Variants in HSPA12A observed in about 807,000 individuals in gnomAD.
HSPA12A encodes the protein heat shock protein family A (Hsp70) member 12A.
A neutral mutation model predicts 69.2 loss-of-function variants in HSPA12A; 28 were observed. The ratio of observed to expected loss-of-function variants is 0.40; its 90% CI spans 0.30 to 0.55. The LOEUF (loss-of-function observed/expected upper bound fraction) is 0.55. Among genes scored for constraint, HSPA12A ranks in the 20% least tolerant of loss-of-function variants. HSPA12A has a pLI of 0.38. For missense variants in HSPA12A, 686 were observed against 900.7 expected (o/e 0.76, Z 3.05); for synonymous variants, 345 against 370.5 (o/e 0.93, Z 0.79).
Position 116,675,384 on chromosome 10 carries a change from G to C in HSPA12A, c.1425C>G (p.Val475=), listed in dbSNP as rs1465392841. The change falls in exon 12 of 12, where the codon GTC becomes GTG. Residue 475 remains valine, a synonymous_variant. Coordinates refer to ENST00000369209, the MANE Select transcript of HSPA12A (RefSeq NM_025015.3). This position sits in a 1 kb window ranked among gnomAD's most constrained non-coding sequence, Gnocchi z 5.2. ...AGCCGCCCACCAGAAAGAGGAACTT[G>C]ACGGTGGACACCTCGGGCTTCTGAA... is the stretch of plus-strand genomic sequence containing the variant. ...DLFQKPEVST[V]KFLFLVGGFA... The C allele has an allele frequency of 4.4e-6, 7 of 1,607,406 alleles. No individual in the cohort carries two copies. Among genetic ancestry groups the C allele is most frequent in the Non-Finnish European group, 5.1e-6 (6 of 1,177,450 alleles).
At chr10:116,794,839 T>G (rs1358884762) in intron 2 of HSPA12A, among the ~76,000 whole-genome samples, 1 of 152,170 alleles carries the variant, frequency 6.6e-6, no homozygotes, top group African/African-American at 2.4e-5. Context: ...AGATAATAGT[T>G]TTTTTAAGTT....
intron 6 of HSPA12A, among the ~76,000 whole-genome samples, chr10:116,684,289 C>T (rs984868964): frequency 1.3e-5 from 2 of 152,060 alleles, no homozygotes; most frequent in Admixed American, 6.6e-5. Context: ...GGGGGGATTC[C>T]GGACTGCAGG....
intron 2 of HSPA12A, among the ~76,000 whole-genome samples, chr10:116,822,549 T>A (rs944812482): frequency 2.8e-4 from 43 of 152,194 alleles, no homozygotes; most frequent in African/African-American, 1.0e-3. Context: ...CAGTAGGGCA[T>A]TTGATAAGTT....
chr10:116,735,068 A>G (rs1554886329), intron 1 of HSPA12A, among the ~76,000 whole-genome samples: 1 of 152,252 alleles, frequency 6.6e-6, no homozygotes, highest in Non-Finnish European at 1.5e-5. Context: ...GAATGTGCCA[A>G]CACAACTTTT....
intron 2 of HSPA12A, chr10:116,832,602 T>C (rs1372946585): frequency 6.6e-6 from 1 of 152,262 alleles, no homozygotes; most frequent in Non-Finnish European, 1.5e-5. Flanking sequence ...GTCAATTCTA[T>C]TAATTCTCCT....
At chr10:116,682,855 C>G (rs1332572850) in intron 7 of HSPA12A, among the ~76,000 whole-genome samples, 1 of 147,042 alleles carries the variant, frequency 6.8e-6, no homozygotes, top group African/African-American at 2.5e-5. Flanking sequence ...CACCCGCCAC[C>G]TCGCCCGGCT....
intron 1 of HSPA12A, among the ~76,000 whole-genome samples, chr10:116,843,175 T>C (rs533390702): frequency 3.5e-4 from 53 of 152,304 alleles, no homozygotes; most frequent in Non-Finnish European, 6.9e-4. Flanking sequence ...GCTTTCTATT[T>C]ATGTGGGAAG....
upstream of HSPA12A, among the ~76,000 whole-genome samples, chr10:116,744,243 C>G (rs11197810): frequency 6.4e-3 from 974 of 152,290 alleles, 12 homozygotes; most frequent in African/African-American, 0.023. Context: ...CCTGGATCAC[C>G]CGTCCTCTCA....
At chr10:116,769,798 T>C (rs1371969620) in intron 2 of HSPA12A, among the ~76,000 whole-genome samples, 1 of 152,236 alleles carries the variant, frequency 6.6e-6, no homozygotes, top group East Asian at 1.9e-4. Context: ...AAAACCCTTC[T>C]GAAGCCCCTT....
At position 116,674,682 on chromosome 10, in the gene HSPA12A, GC is replaced by G. The variant is rs1849172316; in HGVS notation, c.*98del. ...ATCTTCCCTGCTGAAATTCACATGGGCAATGGTGAGGGTCAAGGTTAGGGAA... is the reference window on the plus strand; with the variant it reads ...ATCTTCCCTGCTGAAATTCACATGGGAATGGTGAGGGTCAAGGTTAGGGAA... On this transcript the variant is annotated 3_prime_UTR_variant, in exon 12 of 12. Coordinates refer to ENST00000369209, the MANE Select transcript of HSPA12A (RefSeq NM_025015.3). The G allele has an allele frequency of 3.1e-5, 38 of 1,210,164 alleles. No individual in the cohort carries two copies. In the South Asian group the frequency reaches 5.0e-4, roughly 16 times the overall value. The allele number at this position is 1,210,164 out of a possible 1,614,324, so 75.0% of individuals were successfully genotyped here.
At position 116,742,512 on chromosome 10, in the gene HSPA12A, GC is replaced by G. The variant is rs1201967181; in HGVS notation, c.-44del. ...CCGCGAGGGGAGCCTCCAGCGCAGC[GC>G]CCGTGCCCGTGCGGGTCTCTGTCCG... On this transcript the variant is annotated 5_prime_UTR_variant, in exon 1 of 12. Coordinates refer to ENST00000369209, the MANE Select transcript of HSPA12A (RefSeq NM_025015.3). 4 of 1,232,832 alleles carry G rather than the reference GC, an allele frequency of 3.2e-6. No homozygotes were observed. In the East Asian group the frequency reaches 1.4e-4, roughly 44 times the overall value. 76.4% of individuals were successfully genotyped at this position (1,232,832 alleles called of 1,614,324 possible).
chr10:116,831,531 C>T (rs1488398067), intron 2 of HSPA12A: 1 of 152,132 alleles, frequency 6.6e-6, no homozygotes, highest in Non-Finnish European at 1.5e-5. Flanking sequence ...ACCAAAAAGC[C>T]CTTAACAATG....
At chr10:116,849,607 G>A in exon 1 of HSPA12A, 1 of 1,549,910 alleles carries the variant, frequency 6.5e-7, no homozygotes, top group Non-Finnish European at 8.7e-7. Flanking sequence ...GGGACCACTA[G>A]GGAGCTGCAG....
chr10:116,714,014 A>AGATG (rs1200858480), intron 1 of HSPA12A, among the ~76,000 whole-genome samples: 15 of 142,824 alleles, frequency 1.1e-4, no homozygotes, highest in South Asian at 4.7e-4. Context: ...ATGGATGGAT[A>AGATG]GATGGATGGA....
chr10:116,811,936 G>A (rs1003383586), intron 2 of HSPA12A, among the ~76,000 whole-genome samples: 3 of 152,162 alleles, frequency 2.0e-5, no homozygotes, highest in Admixed American at 6.5e-5. Context: ...CCTCAATGGC[G>A]GCGGTGAGCA....
At chr10:116,734,499 C>T (rs1178647541) in intron 1 of HSPA12A, among the ~76,000 whole-genome samples, 2 of 151,584 alleles carry the variant, frequency 1.3e-5, no homozygotes, top group African/African-American at 4.9e-5. Flanking sequence ...ACCCACACAC[C>T]CATACCCATC....
chr10:116,754,772 A>T (rs1843791821), intron 2 of HSPA12A, among the ~76,000 whole-genome samples: 1 of 152,270 alleles, frequency 6.6e-6, no homozygotes, highest in Non-Finnish European at 1.5e-5. Context: ...TTATAAAACA[A>T]TAAAACAATA....
chr10:116,764,746 C>A (rs967238555), intron 2 of HSPA12A, among the ~76,000 whole-genome samples: 1 of 152,012 alleles, frequency 6.6e-6, no homozygotes, highest in African/African-American at 2.4e-5. Flanking sequence ...TTTTAAAGAG[C>A]AAACCCTATA....
chr10:116,696,412 A>C (rs1395469868), intron 5 of HSPA12A, among the ~76,000 whole-genome samples: 1 of 152,170 alleles, frequency 6.6e-6, no homozygotes, highest in African/African-American at 2.4e-5. Flanking sequence ...GTCTCACGAG[A>C]TCTGATGGTT....
Sources: gnomAD v4.1 joint callset for allele counts (sites outside exome capture counted in the v4.1 genomes callset) on GRCh38, gnomAD v4.1.1 for gene constraint, Gnocchi (gnomAD v3.1) non-coding constraint, MANE v1.5 for transcripts, NCBI Gene and HGNC (gene_info 2026-07-23, HGNC 2026-07-21) for gene names.